The following NEDD4L variants were observed in gnomAD, a reference collection of about 807,000 sequenced individuals.
NEDD4L encodes the protein E3 ubiquitin-protein ligase NEDD4-like.
In NEDD4L, 54 loss-of-function variants were observed where a neutral mutation model predicts 148.9. The observed-to-expected ratio is 0.36, with a 90% CI of 0.29 to 0.45. NEDD4L has a LOEUF of 0.45. Ranked by LOEUF, NEDD4L falls within the 20% of genes least tolerant of loss-of-function variation. The pLI is 1.00. For missense variants in NEDD4L, 856 were observed against 1,233.8 expected (o/e 0.69, Z 4.59); for synonymous variants, 433 against 440.7 (o/e 0.98, Z 0.22).
intron 5 of NEDD4L, among the ~76,000 whole-genome samples, chr18:58,272,408 G>T (rs1762616931): frequency 6.6e-6 from 1 of 152,178 alleles, no homozygotes; most frequent in African/African-American, 2.4e-5. Context: ...GGCCGAGGCA[G>T]ATAGATCGTT....
At position 58,383,337 on chromosome 18, in the gene NEDD4L, T is replaced by G. The variant is rs535366836; in HGVS notation, c.2426+18T>G. 3.0e-6 allele frequency: 4 copies of G among 1,354,670 alleles called. No homozygotes were observed. In the South Asian group the frequency reaches 5.1e-5, roughly 17 times the overall value. The allele number at this position is 1,354,670 out of a possible 1,614,324, so 83.9% of individuals were successfully genotyped here. A position where few individuals can be genotyped will look rare whatever the true frequency, so the allele number is the denominator to read the frequency against. ...TATATCGAGTATGTATACACATATT[T>G]ACTGCCTTTTCTTTGAATAATTGAA... On this transcript the variant is annotated intron_variant, in intron 25 of 30. Transcript: ENST00000400345.
At chr18:58,128,142 G>A (rs951089925) in intron 1 of NEDD4L, among the ~76,000 whole-genome samples, 11 of 152,052 alleles carry the variant, frequency 7.2e-5, no homozygotes, top group Admixed American at 7.2e-4. Context: ...CACCTCCTGG[G>A]TTCTAGTGAT....
chr18:58,340,827 A>G (rs2042326053), intron 13 of NEDD4L: 3 of 502,494 alleles, frequency 6.0e-6, no homozygotes, highest in Non-Finnish European at 1.0e-5. Context: ...AAGAATTTGG[A>G]CTCTGCAACT....
intron 10 of NEDD4L, among the ~76,000 whole-genome samples, chr18:58,329,343 G>A (rs539503155): frequency 1.3e-5 from 2 of 152,212 alleles, no homozygotes; most frequent in South Asian, 4.2e-4. Flanking sequence ...ATAGAAATGG[G>A]AATAACATTA....
At chr18:58,303,959 A>G (rs545372057) in intron 5 of NEDD4L, among the ~76,000 whole-genome samples, 27 of 152,256 alleles carry the variant, frequency 1.8e-4, no homozygotes, top group African/African-American at 5.8e-4. Context: ...TGGAATGGAC[A>G]CCTTCCAGAG....
chr18:58,047,201 G>A, intron 1 of NEDD4L: 2 of 977,832 alleles, frequency 2.0e-6, no homozygotes, highest in Non-Finnish European at 2.4e-6. Context: ...GACTTGGTGT[G>A]CTGCAGAATA....
At chr18:58,197,675 CT>C (rs1412041538) in intron 2 of NEDD4L, 3 of 152,540 alleles carry the variant, frequency 2.0e-5, no homozygotes, top group African/African-American at 7.2e-5. Flanking sequence ...CATGTGATCC[CT>C]TCCCTGCCAG....
At chr18:58,364,711 A>G (rs1206700799) in intron 20 of NEDD4L, among the ~76,000 whole-genome samples, 1 of 152,224 alleles carries the variant, frequency 6.6e-6, no homozygotes, top group Non-Finnish European at 1.5e-5. Flanking sequence ...AAAATGTTCA[A>G]GTCCTTCCTT....
At chr18:58,295,706 G>A (rs8092556) in intron 5 of NEDD4L, among the ~76,000 whole-genome samples, 25,971 of 152,020 alleles carry the variant, frequency 0.17, 2,442 homozygotes, top group Non-Finnish European at 0.19. Flanking sequence ...GCGTGCTCAG[G>A]TGCTATGCTG....
At chr18:58,314,328 A>G (rs1342829508) in intron 5 of NEDD4L, among the ~76,000 whole-genome samples, 1 of 151,740 alleles carries the variant, frequency 6.6e-6, no homozygotes, top group Non-Finnish European at 1.5e-5. Flanking sequence ...GAGGCAGGAG[A>G]ATCGCTTTAA....
At chr18:58,126,269 T>G (rs950925749) in intron 1 of NEDD4L, among the ~76,000 whole-genome samples, 3 of 152,230 alleles carry the variant, frequency 2.0e-5, no homozygotes, top group African/African-American at 7.2e-5. Context: ...AAGAGAAACC[T>G]TGTATCCTTT....
chr18:58,200,339 T>C (rs947890924), intron 2 of NEDD4L, among the ~76,000 whole-genome samples: 1 of 152,252 alleles, frequency 6.6e-6, no homozygotes, highest in African/African-American at 2.4e-5. Flanking sequence ...GTTGAAATAC[T>C]GTCAACTGGA....
intron 1 of NEDD4L, among the ~76,000 whole-genome samples, chr18:58,111,937 C>T (rs991429915): frequency 2.6e-5 from 4 of 152,164 alleles, no homozygotes; most frequent in Non-Finnish European, 5.9e-5. Context: ...TATCTGCATC[C>T]TCAACAACAC....
intron 1 of NEDD4L, among the ~76,000 whole-genome samples, chr18:58,112,299 C>T (rs2040403641): frequency 6.6e-6 from 1 of 152,002 alleles, no homozygotes; most frequent in Admixed American, 6.6e-5. Flanking sequence ...TTGTTTTAGA[C>T]CAAAAATTAC....
chr18:58,334,444 G>C (rs941019459), intron 12 of NEDD4L, among the ~76,000 whole-genome samples: 1 of 152,170 alleles, frequency 6.6e-6, no homozygotes, highest in African/African-American at 2.4e-5. Flanking sequence ...AGGGGATTTT[G>C]TAACATCTGA....
At position 58,100,324 on chromosome 18, in the gene NEDD4L, C is replaced by G. The variant is rs928569196; in HGVS notation, c.48+55616C>G. On this transcript the variant is annotated intron_variant, in intron 1 of 30. Transcript: ENST00000400345. The stretch of plus-strand genomic sequence containing the variant: ...TTTATGTTAGACTGTAGCTCTCAAG[C>G]CAGTTCCCTTAGAGGCCAGAGTAAT... 3.9e-5 allele frequency among the ~76,000 whole-genome samples: 6 copies of G among 152,170 alleles called. No individual in the cohort carries two copies. In the East Asian group the frequency reaches 1.2e-3, roughly 29 times the overall value.
chr18:58,273,446 T>TGCCAGATATC (rs2051379664), intron 5 of NEDD4L, among the ~76,000 whole-genome samples: 2 of 152,170 alleles, frequency 1.3e-5, no homozygotes, highest in Non-Finnish European at 2.9e-5. Context: ...GGAGGCCACT[T>TGCCAGATATC]TTGTTTTCCA....
chr18:58,082,099 TATA>T (rs1329413766), intron 1 of NEDD4L, among the ~76,000 whole-genome samples: 5 of 96,152 alleles, frequency 5.2e-5, no homozygotes, highest in African/African-American at 2.4e-4. Flanking sequence ...TATATATATA[TATA>T]TTTTTTTTTT....
chr18:58,246,443 T>C (rs561770404), intron 3 of NEDD4L, among the ~76,000 whole-genome samples: 1 of 152,332 alleles, frequency 6.6e-6, no homozygotes, highest in South Asian at 2.1e-4. Flanking sequence ...AAAATTTGTT[T>C]CCATAAGTAT....
Sources: allele counts gnomAD v4.1 joint callset (sites outside exome capture counted in the v4.1 genomes callset), GRCh38; gene constraint gnomAD v4.1.1; transcripts MANE v1.5; gene names NCBI Gene and HGNC (gene_info 2026-07-23, HGNC 2026-07-21).